The following CD247 variants were observed in gnomAD, a reference collection of about 807,000 sequenced individuals.
CD247 encodes CD247 molecule.
A neutral mutation model predicts 30.0 loss-of-function variants in CD247; 13 were observed. The observed-to-expected ratio is 0.43, with a 90% CI of 0.28 to 0.69. The LOEUF is 0.69. Ranked by LOEUF, CD247 falls within the 30% of genes least tolerant of loss-of-function variation. The pLI is 0.16. For synonymous variants in CD247, 72 were observed against 80.0 expected, an observed-to-expected ratio of 0.90 and a Z score of 0.53; for missense variants, 193 against 212.6, an observed-to-expected ratio of 0.91 and a Z score of 0.57.
chr1:167,469,463 G>C (rs898800351), intron 1 of CD247, among the ~76,000 whole-genome samples: 3 of 152,204 alleles, frequency 2.0e-5, no homozygotes, highest in Non-Finnish European at 4.4e-5. Flanking sequence ...CTCTGGCATT[G>C]GATTACTTCC....
At chr1:167,432,371 C>T (rs1267506311) in intron 7 of CD247, among the ~76,000 whole-genome samples, 1 of 152,210 alleles carries the variant, frequency 6.6e-6, no homozygotes, top group Non-Finnish European at 1.5e-5. Context: ...AGGTAAGTTT[C>T]TGGGGCCCTT....
chr1:167,454,090 A>G (rs2102015317), intron 1 of CD247, among the ~76,000 whole-genome samples: 1 of 152,314 alleles, frequency 6.6e-6, no homozygotes, highest in Admixed American at 6.5e-5. Flanking sequence ...GGGATGGTGA[A>G]AATGTTCTGG....
intron 4 of CD247, 55 bp from the exon 5 acceptor site, chr1:167,435,489 G>A (rs1053080603): frequency 7.0e-7 from 1 of 1,438,844 alleles, no homozygotes; most frequent in African/African-American, 1.4e-5. Context: ...CCCAAGCCAT[G>A]AAAGTACAGC....
chr1:167,442,818 C>T (rs1291334237), intron 1 of CD247, among the ~76,000 whole-genome samples: 3 of 151,822 alleles, frequency 2.0e-5, no homozygotes, highest in Non-Finnish European at 4.4e-5. Flanking sequence ...TCTCTACAAA[C>T]CTCCCACAGA....
intron 1 of CD247, among the ~76,000 whole-genome samples, chr1:167,467,653 T>G (rs1653318292): frequency 6.6e-6 from 1 of 152,214 alleles, no homozygotes; most frequent in South Asian, 2.1e-4. Context: ...GTCATCATTT[T>G]GGACAGTTCT....
At chr1:167,513,053 G>T (rs1480359326) in intron 1 of CD247, among the ~76,000 whole-genome samples, 1 of 152,208 alleles carries the variant, frequency 6.6e-6, no homozygotes, top group Non-Finnish European at 1.5e-5. Context: ...AGCTACATAT[G>T]TAAAGATTTT....
chr1:167,486,781 G>A (rs988175172), intron 1 of CD247, among the ~76,000 whole-genome samples: 2 of 152,220 alleles, frequency 1.3e-5, no homozygotes, highest in African/African-American at 4.8e-5. Flanking sequence ...AGTTAGAAAT[G>A]GCAGCTCTGG....
intron 1 of CD247, among the ~76,000 whole-genome samples, chr1:167,508,908 C>A (rs1415143240): frequency 1.3e-5 from 2 of 152,150 alleles, no homozygotes; most frequent in African/African-American, 2.4e-5. Flanking sequence ...TATGGGCTCT[C>A]AATCATTTAA....
At chr1:167,452,677 G>A (rs544668886) in intron 1 of CD247, among the ~76,000 whole-genome samples, 2 of 152,266 alleles carry the variant, frequency 1.3e-5, no homozygotes, top group African/African-American at 4.8e-5. Flanking sequence ...CGAGAGAGGG[G>A]CACAGGGTGC....
intron 1 of CD247, among the ~76,000 whole-genome samples, chr1:167,493,705 C>T (rs1013548434): frequency 1.7e-4 from 26 of 152,150 alleles, no homozygotes; most frequent in Non-Finnish European, 2.8e-4. Context: ...CCAAATCCTC[C>T]ATAATGTACA....
chr1:167,497,461 C>T (rs1224702936), intron 1 of CD247, among the ~76,000 whole-genome samples: 1 of 152,154 alleles, frequency 6.6e-6, no homozygotes, highest in Non-Finnish European at 1.5e-5. Context: ...AAATCGCTGA[C>T]TACAGGTCCT....
chr1:167,492,290 G>A (rs1285187810), intron 1 of CD247, among the ~76,000 whole-genome samples: 1 of 152,196 alleles, frequency 6.6e-6, no homozygotes, highest in African/African-American at 2.4e-5. Flanking sequence ...AGCCGGAAGA[G>A]GTCAGCAGGC....
In CD247 at chr1:167,440,719, T is replaced by C. The variant is rs1258071452; in HGVS notation, c.107A>G (p.Asp36Gly). Residue 36 changes from aspartate (D) to glycine (G), a missense_variant, in exon 2 of 8, where the codon GAT (aspartate) becomes GGT (glycine). Transcript: ENST00000362089. ...LLDPKLCYLL[D>G]GILFIYGVIL... ...GACACCATAGATGAAGAGGATTCCA[T>C]CCAGCAGGTAGCAGAGTTTGGGATC... The C allele has an allele frequency of 6.2e-7, 1 of 1,613,800 alleles. No homozygotes were observed. The highest frequency in any genetic ancestry group is 1.3e-5 in the African/African-American group (1 of 74,930).
intron 1 of CD247, among the ~76,000 whole-genome samples, chr1:167,450,286 A>G (rs959082800): frequency 6.6e-6 from 1 of 152,186 alleles, no homozygotes; most frequent in Non-Finnish European, 1.5e-5. Flanking sequence ...GCTTGAGCCC[A>G]GGAGTTAGAG....
intron 1 of CD247, among the ~76,000 whole-genome samples, chr1:167,492,492 C>T (rs1275352601): frequency 1.3e-5 from 2 of 151,826 alleles, no homozygotes; most frequent in East Asian, 3.8e-4. Context: ...TATGTGTGCA[C>T]AAAGGAAAAA....
intron 4 of CD247, 42 bp downstream of exon 4, chr1:167,438,528 C>G (rs1421605194): frequency 6.6e-7 from 1 of 1,504,276 alleles, no homozygotes; most frequent in Admixed American, 1.7e-5. Context: ...CTGAGCCCCA[C>G]CACACATGCA....
chr1:167,482,959 C>T (rs1475798671), intron 1 of CD247, among the ~76,000 whole-genome samples: 2 of 146,606 alleles, frequency 1.4e-5, no homozygotes, highest in Non-Finnish European at 3.0e-5. Context: ...GATCCAGTAA[C>T]CACACAAACT....
At position 167,431,025 on chromosome 1, in the gene CD247, GGTACA is replaced by G; in HGVS notation, c.*651_*655del. 1 of 407,322 alleles carries G rather than the reference GGTACA, an allele frequency of 2.5e-6. No homozygotes were observed. Among genetic ancestry groups the G allele is most frequent in the East Asian group, 3.5e-5 (1 of 28,502 alleles). 25.2% of individuals were successfully genotyped at this position (407,322 alleles called of 1,614,324 possible). On this transcript the variant is annotated 3_prime_UTR_variant, in exon 8 of 8. Transcript: ENST00000362089. The stretch of plus-strand genomic sequence containing the variant: ...TCATCTTCTGGCCCCTGTAGCACAT[GGTACA>G]GTTCAATGGTGCGGCACAGAGGCCT...
intron 1 of CD247, among the ~76,000 whole-genome samples, chr1:167,446,199 G>A (rs941131145): frequency 6.6e-6 from 1 of 152,060 alleles, no homozygotes; most frequent in African/African-American, 2.4e-5. Flanking sequence ...TTGCCATTTT[G>A]CCCACTTTTG....
Sources: allele counts gnomAD v4.1 joint callset (sites outside exome capture counted in the v4.1 genomes callset), GRCh38; gene constraint gnomAD v4.1.1; transcripts MANE v1.5; gene names NCBI Gene and HGNC (gene_info 2026-07-23, HGNC 2026-07-21).